AKAP19: variants seen among roughly 807,000 people sequenced by gnomAD.
The protein encoded by AKAP19 is small A-kinase anchoring protein.
chr2:190,109,618 C>A, the AKAP19 span, among the ~76,000 whole-genome samples: 4 of 152,096 alleles, frequency 2.6e-5, no homozygotes, highest in African/African-American at 9.7e-5. Flanking sequence ...CTCCTCAAGA[C>A]CTAAATAATC....
At chr2:190,200,340 A>G in the AKAP19 span, 1 of 578,410 alleles carries the variant, frequency 1.7e-6, no homozygotes, top group Non-Finnish European at 3.1e-6. Context: ...ATTTCTGTTT[A>G]GTCTTAGATT....
the AKAP19 span, among the ~76,000 whole-genome samples, chr2:190,034,096 T>C: frequency 9.0e-6 from 1 of 111,300 alleles, no homozygotes. Context: ...AAAAAAATTA[T>C]ATAAATAAAA....
chr2:190,090,912 G>A, the AKAP19 span: 2 of 152,164 alleles, frequency 1.3e-5, no homozygotes, highest in Non-Finnish European at 2.9e-5. Context: ...TGAAGGGCAT[G>A]GACTCTAGCT....
At chr2:189,913,659 A>G in the AKAP19 span, among the ~76,000 whole-genome samples, 7 of 152,072 alleles carry the variant, frequency 4.6e-5, no homozygotes, top group African/African-American at 7.2e-5. Context: ...GTAAGCTCAA[A>G]CTTCATTATC....
At chr2:190,170,693 C>T in the AKAP19 span, among the ~76,000 whole-genome samples, 3 of 151,872 alleles carry the variant, frequency 2.0e-5, no homozygotes, top group African/African-American at 4.8e-5. Flanking sequence ...TCCTATGAAG[C>T]TTTTTTTTAA....
the AKAP19 span, among the ~76,000 whole-genome samples, chr2:190,151,102 G>A: frequency 6.6e-6 from 1 of 152,142 alleles, no homozygotes; most frequent in Non-Finnish European, 1.5e-5. Flanking sequence ...AATTGCAAAT[G>A]TCTTTCCTAT....
At chr2:190,148,949 CTTTCT>C in the AKAP19 span, among the ~76,000 whole-genome samples, 11 of 14,146 alleles carry the variant, frequency 7.8e-4, no homozygotes, top group African/African-American at 9.7e-4. Context: ...CTTTTCTTTT[CTTTCT>C]TTTTTTTTTT....
chr2:190,008,793 A>G, the AKAP19 span, among the ~76,000 whole-genome samples: 2 of 151,334 alleles, frequency 1.3e-5, no homozygotes, highest in African/African-American at 4.9e-5. Context: ...CCTGAAATTT[A>G]CATTATGGGG....
the AKAP19 span, among the ~76,000 whole-genome samples, chr2:190,136,801 A>AT: frequency 6.6e-6 from 1 of 152,242 alleles, no homozygotes; most frequent in Admixed American, 6.5e-5. Flanking sequence ...AGTAGATGGA[A>AT]TGGGTTAGTA....
At chr2:189,945,355 G>A in the AKAP19 span, among the ~76,000 whole-genome samples, 1 of 152,130 alleles carries the variant, frequency 6.6e-6, no homozygotes, top group Non-Finnish European at 1.5e-5. Context: ...CAGAGAATTG[G>A]TGCCTTCTGC....
At chr2:190,119,099 G>A in the AKAP19 span, among the ~76,000 whole-genome samples, 1 of 152,206 alleles carries the variant, frequency 6.6e-6, no homozygotes, top group African/African-American at 2.4e-5. Context: ...GCCAAATCAT[G>A]AGTGAACTCC....
chr2:189,929,122 C>A, the AKAP19 span, among the ~76,000 whole-genome samples: 1 of 152,226 alleles, frequency 6.6e-6, no homozygotes, highest in African/African-American at 2.4e-5. Flanking sequence ...CATTTGTGTG[C>A]AAAATGTGAA....
chr2:189,928,982 A>G, the AKAP19 span, among the ~76,000 whole-genome samples: 1 of 152,152 alleles, frequency 6.6e-6, no homozygotes, highest in Non-Finnish European at 1.5e-5. Flanking sequence ...CATTACTACT[A>G]TGTCTTTACC....
At chr2:189,954,466 A>G in the AKAP19 span, among the ~76,000 whole-genome samples, 1 of 152,228 alleles carries the variant, frequency 6.6e-6, no homozygotes, top group Non-Finnish European at 1.5e-5. Context: ...TTACAAATAC[A>G]TACACATTAA....
At chr2:189,925,294 T>G in the AKAP19 span, among the ~76,000 whole-genome samples, 1 of 151,860 alleles carries the variant, frequency 6.6e-6, no homozygotes, top group Non-Finnish European at 1.5e-5. Context: ...TGTTCACTAA[T>G]TCAGTATTCA....
chr2:190,011,831 TGG>T, the AKAP19 span, among the ~76,000 whole-genome samples: 2 of 152,212 alleles, frequency 1.3e-5, no homozygotes, highest in African/African-American at 2.4e-5. Context: ...TTGATTACTA[TGG>T]CTTTGCAATA....
At chr2:190,137,952 A>G in the AKAP19 span, 1 of 4,470 alleles carries the variant, frequency 2.2e-4, no homozygotes. Flanking sequence ...AATGTAAAAA[A>G]TACACAGCTT....
At chr2:189,918,485 A>C in the AKAP19 span, among the ~76,000 whole-genome samples, 1 of 152,158 alleles carries the variant, frequency 6.6e-6, no homozygotes, top group Non-Finnish European at 1.5e-5. Context: ...CACACTCACT[A>C]GTATGAGTAT....
chr2:190,023,739 A>T, the AKAP19 span, among the ~76,000 whole-genome samples: 1 of 150,690 alleles, frequency 6.6e-6, no homozygotes, highest in Admixed American at 6.6e-5. Context: ...CATCTTCTGG[A>T]GCATTAACAG....
Sources: gnomAD v4.1 joint callset for allele counts (sites outside exome capture counted in the v4.1 genomes callset) on GRCh38, gnomAD v4.1.1 for gene constraint, MANE v1.5 for transcripts, NCBI Gene and HGNC (gene_info 2026-07-23, HGNC 2026-07-21) for gene names.